Variants in RYR2 observed in about 807,000 individuals in gnomAD.
RYR2 encodes cardiac muscle ryanodine receptor-calcium release channel.
RYR2 carries 227 observed loss-of-function variants against 601.1 expected under a neutral mutation model. The observed-to-expected ratio is 0.38, with a 90% CI of 0.34 to 0.42. The LOEUF (loss-of-function observed/expected upper bound fraction) is 0.42. RYR2 is among the 10% of genes least tolerant of loss of function. The pLI, the probability that RYR2 is intolerant of heterozygous loss-of-function variation, is 1.00. For missense variants in RYR2, 4,646 were observed against 6,156.5 expected (o/e 0.75, Z 8.21); for synonymous variants, 2,223 against 2,175.1 (o/e 1.02, Z -0.61).
At chr1:237,754,960 C>G in intron 80 of RYR2, 1 of 504,570 alleles carries the variant, frequency 2.0e-6, no homozygotes, top group Non-Finnish European at 3.1e-6. Flanking sequence ...TTCTCTGCTT[C>G]CATTTAGGCC....
intron 3 of RYR2, among the ~76,000 whole-genome samples, chr1:237,347,613 C>T (rs1698414910): frequency 6.6e-6 from 1 of 151,990 alleles, no homozygotes; most frequent in Non-Finnish European, 1.5e-5. Context: ...TGTACTTTTA[C>T]CTTGTTTTGA....
intron 23 of RYR2, among the ~76,000 whole-genome samples, chr1:237,508,893 CTA>C: frequency 6.6e-6 from 1 of 151,176 alleles, no homozygotes; most frequent in Non-Finnish European, 1.5e-5. Context: ...CAGGCGCCCG[CTA>C]CCACGCCCGG....
intron 25 of RYR2, among the ~76,000 whole-genome samples, chr1:237,535,270 G>T (rs1474938801): frequency 6.6e-6 from 1 of 151,504 alleles, no homozygotes; most frequent in African/African-American, 2.4e-5. Flanking sequence ...CTACTAAGCA[G>T]GGGAAAAAGA....
At chr1:237,046,416 T>A (rs1660611756) in intron 1 of RYR2, among the ~76,000 whole-genome samples, 1 of 152,254 alleles carries the variant, frequency 6.6e-6, no homozygotes, top group Non-Finnish European at 1.5e-5. Context: ...GCTGTAGGAA[T>A]GTCACAGAGT....
chr1:237,099,843 A>ATT lies in RYR2; in HGVS notation c.48+57281_48+57282dup, dbSNP rs34625802. 5.7e-3 allele frequency among the ~76,000 whole-genome samples: 870 copies of ATT among 152,016 alleles called. 3 individuals carry two copies. Among genetic ancestry groups the ATT allele is most frequent in the Non-Finnish European group, 0.01 (684 of 67,976 alleles). The stretch of plus-strand genomic sequence containing the variant: ...CCCCAAATATTATGAGGTAGGCACT[A>ATT]TTTTTTTTCACCAATTTACAAATGT... On this transcript the variant is annotated intron_variant, in intron 1 of 104. Coordinates refer to ENST00000366574, the MANE Select transcript of RYR2 (RefSeq NM_001035.3).
chr1:237,745,811 C>T (rs1357002930), intron 80 of RYR2, among the ~76,000 whole-genome samples: 1 of 152,248 alleles, frequency 6.6e-6, no homozygotes, highest in Non-Finnish European at 1.5e-5. Context: ...GCAGATATGA[C>T]TGTCTCAGCA....
At chr1:237,359,683 C>CT (rs553991349) in intron 4 of RYR2, among the ~76,000 whole-genome samples, 5 of 152,208 alleles carry the variant, frequency 3.3e-5, no homozygotes, top group South Asian at 2.1e-4. Flanking sequence ...CCCTTCCTGC[C>CT]TTCATCTCCT....
chr1:237,060,492 G>A (rs926823275), intron 1 of RYR2, among the ~76,000 whole-genome samples: 9 of 152,132 alleles, frequency 5.9e-5, no homozygotes, highest in African/African-American at 9.7e-5. Flanking sequence ...CAGTGTGAAC[G>A]CAGTTGTGTA....
Position 237,590,917 on chromosome 1 carries a change from A to T in RYR2, c.4085A>T (p.Asp1362Val). The change falls in exon 31 of 105, where the codon GAC becomes GTC. Residue 1362 changes from aspartate to valine, a missense_variant. Asp to Val is a radical substitution (Grantham distance 152, BLOSUM62 -3). Coordinates refer to ENST00000366574, the MANE Select transcript of RYR2 (RefSeq NM_001035.3). ...CTAGTGCCCGATCGTGTTGACAAAG[A>T]CAAAGAAGCTACTAAACCAGAGTTT... ...GHLVPDRVDK[D>V]KEATKPEFNN... 6.2e-7 allele frequency: 1 copy of T among 1,613,920 alleles called. No homozygotes were observed. The highest frequency in any genetic ancestry group is 2.2e-5 in the East Asian group (1 of 44,862).
intron 17 of RYR2, among the ~76,000 whole-genome samples, chr1:237,487,812 C>T (rs1572551287): frequency 6.6e-6 from 1 of 151,128 alleles, no homozygotes; most frequent in East Asian, 2.0e-4. Context: ...CAGTTTATTC[C>T]AATAAAATTG....
chr1:237,061,472 T>C (rs10458438), intron 1 of RYR2, among the ~76,000 whole-genome samples: 149,222 of 152,260 alleles, frequency 0.98, 73,179 homozygotes, highest in Middle Eastern at 1. Flanking sequence ...TGTACAACCA[T>C]GCCAGCTAAT....
intron 1 of RYR2, among the ~76,000 whole-genome samples, chr1:237,215,721 G>A (rs1683083244): frequency 6.6e-6 from 1 of 152,070 alleles, no homozygotes; most frequent in African/African-American, 2.4e-5. Context: ...GGATATGGTA[G>A]GTACTTTCCA....
intron 1 of RYR2, among the ~76,000 whole-genome samples, chr1:237,258,777 G>A (rs1190444596): frequency 2.0e-5 from 3 of 152,166 alleles, no homozygotes; most frequent in South Asian, 4.1e-4. Context: ...GTGACAGAAT[G>A]CTAAGGCGTT....
intron 27 of RYR2, among the ~76,000 whole-genome samples, chr1:237,558,469 A>T (rs1671127309): frequency 6.6e-6 from 1 of 152,146 alleles, no homozygotes; most frequent in Non-Finnish European, 1.5e-5. Context: ...CTGATAAGGC[A>T]TTGACATTAA....
At chr1:237,421,797 G>T (rs1325563733) in intron 11 of RYR2, among the ~76,000 whole-genome samples, 1 of 151,906 alleles carries the variant, frequency 6.6e-6, no homozygotes, top group Admixed American at 6.6e-5. Flanking sequence ...TTATCCTTAT[G>T]TTTCATTTTC....
In RYR2 at chr1:237,270,482, T is replaced by C. The variant is rs1323031932; in HGVS notation, c.49-15T>C. 3.2e-6 allele frequency: 5 copies of C among 1,564,134 alleles called. No homozygotes were observed. Among genetic ancestry groups the C allele is most frequent in the Non-Finnish European group, 4.3e-6 (5 of 1,153,252 alleles). ...CGTCTCACTTATTTTTCCCTCTCTT[T>C]CTCCCCCTTTGCAGGATGATGAAGT... On this transcript the variant is annotated splice_polypyrimidine_tract_variant and intron_variant, in intron 1 of 104. Coordinates refer to ENST00000366574, the MANE Select transcript of RYR2 (RefSeq NM_001035.3).
intron 1 of RYR2, among the ~76,000 whole-genome samples, chr1:237,262,330 A>G (rs1688628133): frequency 7.6e-6 from 1 of 132,100 alleles, no homozygotes; most frequent in Non-Finnish European, 1.5e-5. Context: ...CTCTTGGCTC[A>G]CTGCAACCTC....
chr1:237,226,054 C>CA (rs59114136), intron 1 of RYR2, among the ~76,000 whole-genome samples: 18,293 of 116,124 alleles, frequency 0.16, 1,336 homozygotes, highest in Middle Eastern at 0.26. Context: ...GACTCCATCT[C>CA]AAAAAAAAAA....
intron 25 of RYR2, among the ~76,000 whole-genome samples, chr1:237,544,929 T>C (rs542675683): frequency 6.6e-6 from 1 of 152,326 alleles, no homozygotes; most frequent in South Asian, 2.1e-4. Flanking sequence ...ACTGTACAAA[T>C]GATTTGTTGT....
Sources: allele counts gnomAD v4.1 joint callset (sites outside exome capture counted in the v4.1 genomes callset), GRCh38; gene constraint gnomAD v4.1.1; transcripts MANE v1.5; gene names NCBI Gene and HGNC (gene_info 2026-07-23, HGNC 2026-07-21).